Variants in RASAL2 observed in about 807,000 individuals in gnomAD.
The protein encoded by RASAL2 is RAS protein activator like 2, also known as ras GTPase-activating protein nGAP.
RASAL2 carries 58 observed loss-of-function variants against 128.9 expected under a neutral mutation model. The ratio of observed to expected loss-of-function variants is 0.45; its 90% confidence interval spans 0.36 to 0.56. The LOEUF (loss-of-function observed/expected upper bound fraction) is 0.56. Among genes scored for constraint, RASAL2 ranks in the 20% least tolerant of loss-of-function variants. The probability of loss-of-function intolerance (pLI) is 0.00; values close to 1 mark genes in which losing one functional copy is unlikely to be tolerated. For synonymous variants in RASAL2, 561 were observed against 580.8 expected, an observed-to-expected ratio of 0.97 and a Z score of 0.49; for missense variants, 1,360 against 1,601.6, an observed-to-expected ratio of 0.85 and a Z score of 2.57.
At chr1:178,310,169 GATA>G (rs1190814359) in intron 3 of RASAL2, among the ~76,000 whole-genome samples, 1 of 152,160 alleles carries the variant, frequency 6.6e-6, no homozygotes, top group Non-Finnish European at 1.5e-5. Flanking sequence ...ACTACTGGAT[GATA>G]ATAGCATTGA....
intron 4 of RASAL2, among the ~76,000 whole-genome samples, chr1:178,414,515 G>T (rs1386122375): frequency 6.6e-6 from 1 of 152,198 alleles, no homozygotes; most frequent in Non-Finnish European, 1.5e-5. Flanking sequence ...ATTCCAGTTT[G>T]GTAGGGCATG....
In RASAL2 at chr1:178,152,443, GA is replaced by G. The variant is rs1198252906; in HGVS notation, c.202+57750del. Among the ~76,000 whole-genome samples, 4 of 152,136 alleles carry G rather than the reference GA, an allele frequency of 2.6e-5. No homozygotes were observed. The South Asian group carries it at 6.2e-4, about 24-fold the overall frequency. ...TATTGAATATGAAGAGGTTGTTGTG[GA>G]GACCCCTGATTTATAGCTGGTCAGT... On this transcript the variant is annotated intron_variant, in intron 1 of 17. Coordinates refer to ENST00000367649, the MANE Select transcript of RASAL2 (RefSeq NM_170692.4).
At chr1:178,242,212 C>A (rs1257669028) in intron 1 of RASAL2, among the ~76,000 whole-genome samples, 1 of 152,106 alleles carries the variant, frequency 6.6e-6, no homozygotes, top group Non-Finnish European at 1.5e-5. Flanking sequence ...GTATCATTGT[C>A]TTTGAATATT....
chr1:178,445,450 C>A, intron 8 of RASAL2, 68 bp from the exon 9 acceptor site: 1 of 1,450,326 alleles, frequency 6.9e-7, no homozygotes, highest in Non-Finnish European at 9.2e-7. Context: ...TCTGATATTT[C>A]AAAAGTCTCT....
At chr1:178,347,830 G>A (rs1161120219) in intron 3 of RASAL2, among the ~76,000 whole-genome samples, 1 of 152,154 alleles carries the variant, frequency 6.6e-6, no homozygotes, top group East Asian at 1.9e-4. Context: ...GTATACCTAG[G>A]TTCATCAGAA....
chr1:178,394,843 C>T (rs1205986383), intron 4 of RASAL2, among the ~76,000 whole-genome samples: 2 of 152,100 alleles, frequency 1.3e-5, no homozygotes, highest in East Asian at 1.9e-4. Flanking sequence ...AATAAATACA[C>T]TAGAAAGAAA....
At chr1:178,219,221 C>T (rs1182087491) in intron 1 of RASAL2, among the ~76,000 whole-genome samples, 2 of 152,200 alleles carry the variant, frequency 1.3e-5, no homozygotes, top group Non-Finnish European at 2.9e-5. Flanking sequence ...AGAGTTAGGG[C>T]CTTGCTCTGG....
rs534427071 is a variant in RASAL2 at position 178,224,874 on chromosome 1, T to TA, written c.203-58689dup. On this transcript the variant is annotated intron_variant, in intron 1 of 17. Coordinates refer to ENST00000367649, the MANE Select transcript of RASAL2 (RefSeq NM_170692.4). ...ACATTTTAATGAGAAACTGATATCC[T>TA]ATTTTAAACTTTTTAAAAGACTTTT... Among the ~76,000 whole-genome samples, 675 of 152,278 alleles carry TA rather than the reference T, an allele frequency of 4.4e-3. 8 individuals are homozygous for TA. The highest frequency in any genetic ancestry group is 0.016 in the African/African-American group (650 of 41,574).
chr1:178,294,273 C>T (rs890956155), intron 2 of RASAL2, among the ~76,000 whole-genome samples: 7 of 152,168 alleles, frequency 4.6e-5, no homozygotes, highest in Admixed American at 6.5e-5. Flanking sequence ...CAGGTTGAAG[C>T]AGAGATACTT....
chr1:178,203,267 G>A (rs1374282397), intron 1 of RASAL2, among the ~76,000 whole-genome samples: 1 of 152,212 alleles, frequency 6.6e-6, no homozygotes, highest in East Asian at 1.9e-4. Context: ...ATGTGTGGCA[G>A]TGGGCTCATG....
intron 3 of RASAL2, among the ~76,000 whole-genome samples, chr1:178,332,197 C>T (rs1157228681): frequency 2.6e-5 from 4 of 152,050 alleles, no homozygotes; most frequent in Non-Finnish European, 5.9e-5. Context: ...TAGATTTTCT[C>T]TACAGAAAAA....
At chr1:178,405,885 T>C (rs573948579) in intron 4 of RASAL2, among the ~76,000 whole-genome samples, 136 of 152,366 alleles carry the variant, frequency 8.9e-4, no homozygotes, top group African/African-American at 3.2e-3. Context: ...AATCATACTA[T>C]GGTTATATAA....
intron 3 of RASAL2, among the ~76,000 whole-genome samples, chr1:178,345,117 A>G (rs1670082703): frequency 1.3e-5 from 2 of 152,154 alleles, no homozygotes; most frequent in Admixed American, 1.3e-4. Context: ...TGAATTGGAA[A>G]TACTGTTAAC....
chr1:178,448,412 T>G (rs911191539), intron 9 of RASAL2, among the ~76,000 whole-genome samples: 6 of 152,184 alleles, frequency 3.9e-5, no homozygotes, highest in African/African-American at 1.4e-4. Context: ...ACAGGATCAC[T>G]GTGTTTACAT....
chr1:178,119,354 C>T lies in RASAL2; in HGVS notation c.202+24660C>T, dbSNP rs148695430. 3.5e-4 allele frequency among the ~76,000 whole-genome samples: 54 copies of T among 152,276 alleles called. No homozygotes were observed. The South Asian group carries it at 3.9e-3, about 11-fold the overall frequency. On this transcript the variant is annotated intron_variant, in intron 1 of 17. Transcript: ENST00000367649. ...TGTGTGTTCTACATCCATCACCTCC[C>T]AGAGTTGCGTGAACAGGCGTGAGTT... is the stretch of plus-strand genomic sequence containing the variant.
intron 3 of RASAL2, chr1:178,389,327 A>G (rs1672759828): frequency 2.2e-6 from 2 of 925,670 alleles, no homozygotes; most frequent in South Asian, 5.0e-5. Context: ...GTATATATCT[A>G]TCATCTGTGT....
chr1:178,131,780 A>G (rs371620103), intron 1 of RASAL2, among the ~76,000 whole-genome samples: 4 of 152,132 alleles, frequency 2.6e-5, no homozygotes, highest in Non-Finnish European at 5.9e-5. Flanking sequence ...GCTGAATGCT[A>G]CTGTGAATTC....
At chr1:178,275,703 C>T (rs1295300396) in intron 1 of RASAL2, among the ~76,000 whole-genome samples, 2 of 152,202 alleles carry the variant, frequency 1.3e-5, no homozygotes, top group Admixed American at 1.3e-4. Flanking sequence ...TGTGATGCAG[C>T]TGAGACTGAG....
intron 3 of RASAL2, among the ~76,000 whole-genome samples, chr1:178,376,115 G>A (rs943589236): frequency 1.3e-5 from 2 of 152,118 alleles, no homozygotes; most frequent in East Asian, 1.9e-4. Context: ...GGATGGTGTG[G>A]TATTACAGGT....
Sources: allele counts gnomAD v4.1 joint callset (sites outside exome capture counted in the v4.1 genomes callset), GRCh38; gene constraint gnomAD v4.1.1; transcripts MANE v1.5; gene names NCBI Gene and HGNC (gene_info 2026-07-23, HGNC 2026-07-21).